Variants in MRPL50 observed in about 807,000 individuals in gnomAD.
The protein encoded by MRPL50 is mitochondrial ribosomal protein L50, also known as large ribosomal subunit protein mL50.
MRPL50 carries 10 observed loss-of-function variants against 16.2 expected under a neutral mutation model. The observed-to-expected ratio is 0.62, with a 90% CI of 0.38 to 1.05. The LOEUF is 1.05. Among genes scored for constraint, MRPL50 ranks in the 50% least tolerant of loss-of-function variants. The pLI, the probability that MRPL50 is intolerant of heterozygous loss-of-function variation, is 0.01. For synonymous variants in MRPL50, 68 were observed against 66.8 expected, an observed-to-expected ratio of 1.02 and a Z score of -0.09; for missense variants, 213 against 187.1, an observed-to-expected ratio of 1.14 and a Z score of -0.81.
chr9:101,397,015 AAG>A (rs1200074120), intron 1 of MRPL50, among the ~76,000 whole-genome samples: 2 of 152,198 alleles, frequency 1.3e-5, no homozygotes, highest in Non-Finnish European at 2.9e-5. Context: ...GGCGGAAATG[AAG>A]AGACGTTGGA....
rs557076413 is a variant in MRPL50, at chr9:101,397,092, C to T, written c.92+1409G>A. ...AGAGATCTAATGTACACCATGGTGA[C>T]GATCATTAATAATACTGTACTGTAT... On this transcript the variant is annotated intron_variant, in intron 1 of 1. Coordinates refer to ENST00000374865, the MANE Select transcript of MRPL50 (RefSeq NM_019051.3). Among the ~76,000 whole-genome samples, 45 of 152,246 alleles carry T rather than the reference C, an allele frequency of 3.0e-4. 1 individual carries two copies. In the South Asian group the frequency reaches 8.1e-3, roughly 27 times the overall value.
At chr9:101,393,576 T>A (rs894024136) in intron 1 of MRPL50, among the ~76,000 whole-genome samples, 34 of 152,072 alleles carry the variant, frequency 2.2e-4, no homozygotes, top group African/African-American at 7.2e-4. Context: ...CTCTTAGAAA[T>A]TATAAATTCA....
rs1261024386 is a variant in MRPL50 at position 101,389,263 on chromosome 9, T to C, written c.*1203A>G. ...TCATTTTATAAAAGGGGCTTGGGCA[T>C]CTGTGGACTTTGGTATCCAAGTAGG... On this transcript the variant is annotated 3_prime_UTR_variant, in exon 2 of 2. Coordinates refer to ENST00000374865, the MANE Select transcript of MRPL50 (RefSeq NM_019051.3). 3.9e-6 allele frequency: 1 copy of C among 257,796 alleles called. No homozygotes were observed. The highest frequency in any genetic ancestry group is 7.8e-6 in the Non-Finnish European group (1 of 128,718). The allele number at this position is 257,796 out of a possible 1,614,324, so 16.0% of individuals were successfully genotyped here. A position where few individuals can be genotyped will look rare whatever the true frequency, so the allele number is the denominator to read the frequency against.
intron 1 of MRPL50, among the ~76,000 whole-genome samples, chr9:101,394,438 T>A (rs1264112611): frequency 1.3e-5 from 2 of 152,180 alleles, no homozygotes; most frequent in Non-Finnish European, 2.9e-5. Flanking sequence ...AGAACTCACT[T>A]AGACCCCCTA....
chr9:101,390,993 C>A, intron 1 of MRPL50, 143 bp from the exon 2 acceptor site: 1 of 888,010 alleles, frequency 1.1e-6, no homozygotes, highest in South Asian at 1.8e-5. Context: ...ATGGTAGGCC[C>A]CTGCCCTTAG....
Position 101,398,584 on chromosome 9 carries a change from C to T in MRPL50, c.9G>A (p.Ala3=). The T allele has an allele frequency of 6.2e-7, 1 of 1,613,686 alleles. No homozygotes were observed. Among genetic ancestry groups the T allele is most frequent in the Non-Finnish European group, 8.5e-7 (1 of 1,180,014 alleles). Residue 3 remains alanine, a synonymous_variant, in exon 1 of 2, where the codon GCG becomes GCA. Transcript: ENST00000374865. The stretch of plus-strand genomic sequence containing the variant: ...TTCTGGTAATGCCCGACACAGATCG[C>T]GCCGCCATCTTCGATGAGATCCACG... MA[A]RSVSGITRRV...
At chr9:101,396,522 A>C (rs1830342257) in intron 1 of MRPL50, among the ~76,000 whole-genome samples, 1 of 152,232 alleles carries the variant, frequency 6.6e-6, no homozygotes, top group South Asian at 2.1e-4. Flanking sequence ...CACACACAAA[A>C]AATGGCATTT....
In MRPL50 at chr9:101,390,328, T is replaced by A. The variant is rs891805490; in HGVS notation, c.*138A>T. On this transcript the variant is annotated 3_prime_UTR_variant, in exon 2 of 2. Transcript: ENST00000374865. ...TGTAATATGAGAAAAAAAAAGATGA[T>A]ACATTCCTCTACAGAAAAAGTGGGT... 1 of 1,382,640 alleles carries A rather than the reference T, an allele frequency of 7.2e-7. No homozygotes were observed. The highest frequency in any genetic ancestry group is 1.5e-5 in the African/African-American group (1 of 67,684). 85.6% of individuals were successfully genotyped at this position (1,382,640 alleles called of 1,614,324 possible).
chr9:101,391,049 G>A (rs1432170821), intron 1 of MRPL50, among the ~76,000 whole-genome samples, 199 bp from the exon 2 acceptor site: 3 of 152,048 alleles, frequency 2.0e-5, no homozygotes, highest in African/African-American at 7.2e-5. Flanking sequence ...AAGAAACTAA[G>A]TACATATTTT....
chr9:101,393,513 C>A (rs1830300283), intron 1 of MRPL50, among the ~76,000 whole-genome samples: 1 of 151,940 alleles, frequency 6.6e-6, no homozygotes. Context: ...TCTTATATAT[C>A]TTGTTGATAT....
Position 101,395,191 on chromosome 9 carries a change from G to A in MRPL50, c.92+3310C>T, listed in dbSNP as rs948877732. On this transcript the variant is annotated intron_variant, in intron 1 of 1. Transcript: ENST00000374865. Reference sequence around the variant, plus strand: ...TAAAAAAAATGATCTCTAATCATCAGGGAAATGCAACTCAATAACACAATG... The same window carrying A: ...TAAAAAAAATGATCTCTAATCATCAAGGAAATGCAACTCAATAACACAATG... Among the ~76,000 whole-genome samples, 5 of 152,104 alleles carry A rather than the reference G, an allele frequency of 3.3e-5. 1 individual carries two copies. Among genetic ancestry groups the A allele is most frequent in the Admixed American group, 2.0e-4 (3 of 15,276 alleles).
In MRPL50 at chr9:101,392,412, AAC is replaced by A. The variant is rs1830285485; in HGVS notation, c.93-1564_93-1563del. On this transcript the variant is annotated intron_variant, in intron 1 of 1. Transcript: ENST00000374865. Reference sequence around the variant, plus strand: ...ACAAACCTTTAGCTAGACTAAAAAAAACAGAGAAGACACAAATACATAAAATC... The same window carrying A: ...ACAAACCTTTAGCTAGACTAAAAAAAAGAGAAGACACAAATACATAAAATC... Among the ~76,000 whole-genome samples the A allele has an allele frequency of 2.6e-5, 4 of 152,140 alleles. No homozygotes were observed. In the South Asian group the frequency reaches 8.3e-4, roughly 32 times the overall value.
In MRPL50 at chr9:101,389,199, A is replaced by G; in HGVS notation, c.*1267T>C. 1 of 187,972 alleles carries G rather than the reference A, an allele frequency of 5.3e-6. No individual in the cohort carries two copies. The highest frequency in any genetic ancestry group is 8.7e-5 in the South Asian group (1 of 11,530). 11.6% of individuals were successfully genotyped at this position (187,972 alleles called of 1,614,324 possible). On this transcript the variant is annotated 3_prime_UTR_variant, in exon 2 of 2. Transcript: ENST00000374865. ...AAGTAATCTAAAGATGATTTAAAGT[A>G]TATGGGAGGATGTGCATACATAATA...
intron 1 of MRPL50, among the ~76,000 whole-genome samples, chr9:101,397,156 CCA>C (rs1351629740): frequency 6.6e-6 from 1 of 151,992 alleles, no homozygotes; most frequent in Admixed American, 6.5e-5. Context: ...AGTGTTTTCA[CCA>C]CACACACAAA....
At chr9:101,397,355 A>G (rs1425064452) in intron 1 of MRPL50, among the ~76,000 whole-genome samples, 3 of 152,230 alleles carry the variant, frequency 2.0e-5, no homozygotes, top group Admixed American at 6.5e-5. Flanking sequence ...ATCTTGACTA[A>G]TAATCAACAT....
chr9:101,393,332 C>T (rs1830297621), intron 1 of MRPL50, among the ~76,000 whole-genome samples: 1 of 152,090 alleles, frequency 6.6e-6, no homozygotes, highest in Admixed American at 6.5e-5. Flanking sequence ...TGCTCACTTT[C>T]ATCACTTGTA....
Position 101,389,515 on chromosome 9 carries a change from T to C in MRPL50, c.*951A>G. On this transcript the variant is annotated 3_prime_UTR_variant, in exon 2 of 2. Transcript: ENST00000374865. The stretch of plus-strand genomic sequence containing the variant: ...GGGAAAGAGAATAAATGCAACTTAT[T>C]TTGTTAAAAACCCTTCTATCACTTT... 1 of 1,274,916 alleles carries C rather than the reference T, an allele frequency of 7.8e-7. No individual in the cohort carries two copies. The allele number at this position is 1,274,916 out of a possible 1,614,324, so 79.0% of individuals were successfully genotyped here. A position where few individuals can be genotyped will look rare whatever the true frequency, so the allele number is the denominator to read the frequency against.
chr9:101,392,819 A>G (rs561917534), intron 1 of MRPL50, among the ~76,000 whole-genome samples: 1 of 152,198 alleles, frequency 6.6e-6, no homozygotes, highest in African/African-American at 2.4e-5. Flanking sequence ...GGCCAAAACC[A>G]GACAAAGACA....
chr9:101,389,986 T>C lies in MRPL50; in HGVS notation c.*480A>G, dbSNP rs542274220. 11 of 921,150 alleles carry C rather than the reference T, an allele frequency of 1.2e-5. No homozygotes were observed. In the South Asian group the frequency reaches 5.5e-4, roughly 46 times the overall value. The allele number at this position is 921,150 out of a possible 1,614,324, so 57.1% of individuals were successfully genotyped here. ...ACAATACACTTTAACAAATCTACTT[T>C]AATTCTAAAAGAAATTAATCTAGAA... On this transcript the variant is annotated 3_prime_UTR_variant, in exon 2 of 2. Coordinates refer to ENST00000374865, the MANE Select transcript of MRPL50 (RefSeq NM_019051.3).
Sources: allele counts gnomAD v4.1 joint callset (sites outside exome capture counted in the v4.1 genomes callset), GRCh38; gene constraint gnomAD v4.1.1; transcripts MANE v1.5; gene names NCBI Gene and HGNC (gene_info 2026-07-23, HGNC 2026-07-21).